CYFIP2: variants seen among roughly 807,000 people sequenced by gnomAD.
CYFIP2 encodes cytoplasmic FMR1-interacting protein 2.
Under a neutral mutation model 158.7 loss-of-function variants are expected in CYFIP2, and 29 were observed. The ratio of observed to expected loss-of-function variants is 0.18; its 90% CI spans 0.14 to 0.25. The LOEUF is 0.25. Among genes scored for constraint, CYFIP2 ranks in the 10% least tolerant of loss-of-function variants. CYFIP2 has a pLI of 1.00. For missense variants in CYFIP2, 852 were observed against 1,639.5 expected (o/e 0.52, Z 8.29); for synonymous variants, 585 against 617.6 (o/e 0.95, Z 0.78).
In CYFIP2 at chr5:157,320,253, T is replaced by A. The variant is rs141507157; in HGVS notation, c.1523+325T>A. On this transcript the variant is annotated intron_variant, in intron 14 of 30. Coordinates refer to ENST00000620254, the MANE Select transcript of CYFIP2 (RefSeq NM_001037333.3). ...TGGTCCATATATAGACCTAAGCACA[T>A]GCAGCATGGAGTAAGTATGCAGCAC... Among the ~76,000 whole-genome samples, 8 of 152,334 alleles carry A rather than the reference T, an allele frequency of 5.3e-5. No homozygotes were observed. The East Asian group carries it at 1.5e-3, about 29-fold the overall frequency.
chr5:157,319,375 C>G (rs189837495), intron 13 of CYFIP2, among the ~76,000 whole-genome samples: 2 of 152,260 alleles, frequency 1.3e-5, no homozygotes, highest in East Asian at 3.9e-4. Context: ...CTGTGAGTGC[C>G]TGGTCTATGG....
At chr5:157,325,835 A>G (rs900061480) in intron 17 of CYFIP2, 197 bp downstream of exon 17, 9 of 601,532 alleles carry the variant, frequency 1.5e-5, no homozygotes, top group South Asian at 2.8e-5. Flanking sequence ...TCCCAGCCCA[A>G]CTGCCCTTCC....
chr5:157,331,361 A>G (rs757386409), intron 20 of CYFIP2, among the ~76,000 whole-genome samples: 1 of 149,638 alleles, frequency 6.7e-6, no homozygotes, highest in Non-Finnish European at 1.5e-5. Context: ...ATTTAATAAT[A>G]TTAATGTGAG....
Position 157,330,826 on chromosome 5 carries a change from A to G in CYFIP2, c.2241A>G (p.Thr747=), listed in dbSNP as rs116817896. ...IPYPPSNRYE[T]LLKQRHVQLL... is the part of the protein sequence containing the mutation. The stretch of plus-strand genomic sequence containing the variant: ...ATCCACCGTCCAATCGCTATGAAAC[A>G]CTGCTGAAGCAGAGACACGTCCAGG... Residue 747 remains threonine (T), a synonymous_variant, in exon 20 of 31, where the codon ACA becomes ACG. Coordinates refer to ENST00000620254, the MANE Select transcript of CYFIP2 (RefSeq NM_001037333.3). The G allele has an allele frequency of 9.8e-4, 1,584 of 1,614,002 alleles. 15 individuals are homozygous for G. In the African/African-American group the frequency reaches 0.019, roughly 19 times the overall value.
Position 157,393,206 on chromosome 5 carries a change from T to TTAAA in CYFIP2, c.*206_*207insTAAA. ...CATGCTGGTTTCTCCATAGCATAAA[T>TTAAA]GAAAAAAAAAAAAAAAAAGTAAACA... On this transcript the variant is annotated 3_prime_UTR_variant, in exon 31 of 31. Transcript: ENST00000620254. The TTAAA allele has an allele frequency of 3.3e-6, 1 of 304,726 alleles. No homozygotes were observed. Among genetic ancestry groups the TTAAA allele is most frequent in the Non-Finnish European group, 5.3e-6 (1 of 187,104 alleles). The allele number at this position is 304,726 out of a possible 1,614,324, so 18.9% of individuals were successfully genotyped here. A position where few individuals can be genotyped will look rare whatever the true frequency, so the allele number is the denominator to read the frequency against.
intron 23 of CYFIP2, among the ~76,000 whole-genome samples, chr5:157,347,985 G>A (rs1447452734): frequency 6.6e-6 from 1 of 152,244 alleles, no homozygotes; most frequent in Non-Finnish European, 1.5e-5. Context: ...TTGTGAAGGA[G>A]ATAAAGTATC....
At chr5:157,335,763 C>A (rs1215917393) in intron 21 of CYFIP2, among the ~76,000 whole-genome samples, 1 of 152,058 alleles carries the variant, frequency 6.6e-6, no homozygotes, top group Admixed American at 6.5e-5. Context: ...CAGAGTTATT[C>A]TTTATGCCAA....
At chr5:157,357,806 G>A (rs956389710) in intron 23 of CYFIP2, among the ~76,000 whole-genome samples, 2 of 151,892 alleles carry the variant, frequency 1.3e-5, no homozygotes, top group Non-Finnish European at 2.9e-5. Flanking sequence ...TCTAGCCTGG[G>A]CGACAGAGCA....
chr5:157,358,887 A>G, intron 23 of CYFIP2, 118 bp from the exon 24 acceptor site: 4 of 1,327,794 alleles, frequency 3.0e-6, no homozygotes, highest in Non-Finnish European at 4.3e-6. Context: ...ATGGGGCTCC[A>G]GTGAGCACGC....
chr5:157,294,758 T>G (rs1327199159), intron 3 of CYFIP2, 25 bp from the exon 4 acceptor site: 9 of 1,611,462 alleles, frequency 5.6e-6, no homozygotes, highest in Non-Finnish European at 7.6e-6. Context: ...TGTTCCTCCC[T>G]GCTGAGGCTG....
intron 21 of CYFIP2, among the ~76,000 whole-genome samples, chr5:157,337,583 G>A (rs1445603844): frequency 1.3e-5 from 2 of 152,208 alleles, no homozygotes; most frequent in Non-Finnish European, 2.9e-5. Context: ...TTTCAGAGAG[G>A]CAGAGCTCCA....
At chr5:157,363,840 T>C (rs1764082327) in intron 26 of CYFIP2, 3 of 152,252 alleles carry the variant, frequency 2.0e-5, no homozygotes, top group Admixed American at 2.0e-4. Context: ...AGAGAGATAA[T>C]GGAGCTTCTG....
At position 157,296,125 on chromosome 5, in the gene CYFIP2, G is replaced by A. The variant is rs184763945; in HGVS notation, c.286-548G>A. Among the ~76,000 whole-genome samples the A allele has an allele frequency of 9.9e-4, 151 of 152,342 alleles. 1 individual carries two copies. Among genetic ancestry groups the A allele is most frequent in the African/African-American group, 3.4e-3 (140 of 41,576 alleles). On this transcript the variant is annotated intron_variant, in intron 4 of 30. Coordinates refer to ENST00000620254, the MANE Select transcript of CYFIP2 (RefSeq NM_001037333.3). ...AGGGCACAGAACTGAGAAAAAGGAA[G>A]GAGGGTTCTGTTCTTGGGACCAACT...
At chr5:157,273,630 G>A (rs78975413) in intron 1 of CYFIP2, among the ~76,000 whole-genome samples, 16,016 of 151,770 alleles carry the variant, frequency 0.11, 1,552 homozygotes, top group East Asian at 0.54. Context: ...TGCTATCCCC[G>A]TTGGTTTTTG....
Position 157,315,070 on chromosome 5 carries a change from T to G in CYFIP2, c.1332T>G (p.Ser444Arg). The change falls in exon 13 of 31, where the codon AGT (serine) becomes AGG (arginine). Residue 444 changes from serine to arginine, a missense_variant. Ser to Arg is a moderately radical substitution (Grantham distance 110, BLOSUM62 -1). Coordinates refer to ENST00000620254, the MANE Select transcript of CYFIP2 (RefSeq NM_001037333.3). ...GAGCCACACGCTACAATTACACCAG[T>G]GAGGAAAAATTTGCCTTCGTTGAGG... ...YERATRYNYT[S>R]EEKFAFVEVI... 6.2e-7 allele frequency: 1 copy of G among 1,613,606 alleles called. No homozygotes were observed. The highest frequency in any genetic ancestry group is 8.5e-7 in the Non-Finnish European group (1 of 1,179,808).
chr5:157,363,073 C>G (rs1035394417), intron 26 of CYFIP2: 5 of 152,524 alleles, frequency 3.3e-5, no homozygotes, highest in African/African-American at 1.2e-4. Flanking sequence ...AGAACCAGCA[C>G]TCTTCTTCCT....
rs761398717 is a variant in CYFIP2, at chr5:157,377,024, C to T, written c.3040-5566C>T. 62 of 381,748 alleles carry T rather than the reference C, an allele frequency of 1.6e-4. 1 individual carries two copies. The highest frequency in any genetic ancestry group is 5.6e-4 in the Admixed American group (20 of 35,556). 23.6% of individuals were successfully genotyped at this position (381,748 alleles called of 1,614,324 possible). ...CCCTGGGCAGGGGTCCTTTTACTCC[C>T]GCCCTCAGGTCCAGTCATCAGGTCT... On this transcript the variant is annotated intron_variant, in intron 26 of 30. Transcript: ENST00000620254.
chr5:157,322,789 T>C (rs11134691), intron 15 of CYFIP2, among the ~76,000 whole-genome samples: 48,856 of 152,022 alleles, frequency 0.32, 8,665 homozygotes, highest in African/African-American at 0.48. Context: ...GAGGTTGGAG[T>C]GTCTCAGAGG....
chr5:157,336,441 G>T (rs1761863491), intron 21 of CYFIP2, among the ~76,000 whole-genome samples: 2 of 152,326 alleles, frequency 1.3e-5, no homozygotes. Context: ...GGTAACGATT[G>T]CCCATAAATG....
Sources: gnomAD v4.1 joint callset for allele counts (sites outside exome capture counted in the v4.1 genomes callset) on GRCh38, gnomAD v4.1.1 for gene constraint, MANE v1.5 for transcripts, NCBI Gene and HGNC (gene_info 2026-07-23, HGNC 2026-07-21) for gene names.